The following EYA2 variants were observed in gnomAD, a reference collection of about 807,000 sequenced individuals.
EYA2 encodes the protein protein phosphatase EYA2.
EYA2 carries 31 observed loss-of-function variants against 69.2 expected under a neutral mutation model. The observed-to-expected ratio is 0.45, with a 90% confidence interval of 0.34 to 0.60. The LOEUF is 0.60. Among genes scored for constraint, EYA2 ranks in the 20% least tolerant of loss-of-function variants. EYA2 has a pLI of 0.02. For missense variants in EYA2, 622 were observed against 701.2 expected (o/e 0.89, Z 1.28); for synonymous variants, 257 against 279.4 (o/e 0.92, Z 0.80).
chr20:46,935,836 G>T (rs1021461436), intron 1 of EYA2, among the ~76,000 whole-genome samples: 2 of 151,616 alleles, frequency 1.3e-5, no homozygotes, highest in African/African-American at 4.9e-5. Flanking sequence ...TAATAACATA[G>T]ATTATATTAT....
chr20:46,895,962 C>G (rs1448735469), intron 1 of EYA2, among the ~76,000 whole-genome samples: 1 of 152,206 alleles, frequency 6.6e-6, no homozygotes, highest in Non-Finnish European at 1.5e-5. Context: ...TTTTAAAAAG[C>G]AAGACCGATG....
chr20:47,013,394 C>T (rs1454219356), intron 4 of EYA2, among the ~76,000 whole-genome samples: 1 of 152,150 alleles, frequency 6.6e-6, no homozygotes, highest in African/African-American at 2.4e-5. Context: ...GCTTTGAGTC[C>T]AAAGACATGG....
chr20:46,964,459 A>G (rs1219942815), intron 1 of EYA2, among the ~76,000 whole-genome samples: 1 of 152,170 alleles, frequency 6.6e-6, no homozygotes, highest in Middle Eastern at 3.2e-3. Context: ...TGGCTGTTGA[A>G]GGGATGCACG....
rs200488229 is a variant in EYA2 at position 47,023,641 on chromosome 20, T to TGTTTTG, written c.415+7344_415+7345insGTTTTG. The stretch of plus-strand genomic sequence containing the variant: ...AAGTTTGATTTTGGGTGTTTTTTTT[T>TGTTTTG]TTTTTTTTTTTTTGAAGACAGAGCC... On this transcript the variant is annotated intron_variant, in intron 5 of 15. Transcript: ENST00000327619. Among the ~76,000 whole-genome samples the TGTTTTG allele has an allele frequency of 7.1e-5, 10 of 140,354 alleles. 1 individual carries two copies. The highest frequency in any genetic ancestry group is 8.0e-5 in the African/African-American group (3 of 37,444). 92.1% of individuals were successfully genotyped at this position (140,354 alleles called of 152,430 possible).
intron 10 of EYA2, among the ~76,000 whole-genome samples, chr20:47,155,125 G>A (rs2033897634): frequency 6.6e-6 from 1 of 151,902 alleles, no homozygotes; most frequent in African/African-American, 2.4e-5. Flanking sequence ...CAAAGTGCTG[G>A]GATTACAGGC....
chr20:47,139,508 C>G (rs1038481448), intron 9 of EYA2, among the ~76,000 whole-genome samples: 2 of 152,068 alleles, frequency 1.3e-5, no homozygotes, highest in African/African-American at 4.8e-5. Context: ...TCTCGGCTCA[C>G]CACAACCTCC....
At chr20:47,125,033 A>G (rs1055811326) in intron 9 of EYA2, among the ~76,000 whole-genome samples, 2 of 147,656 alleles carry the variant, frequency 1.4e-5, no homozygotes, top group Admixed American at 1.4e-4. Flanking sequence ...TGTATCCTAC[A>G]GTCTTTTGGT....
chr20:46,996,142 A>G (rs1982004189), intron 2 of EYA2, among the ~76,000 whole-genome samples: 1 of 152,246 alleles, frequency 6.6e-6, no homozygotes, highest in Non-Finnish European at 1.5e-5. Context: ...TGAATGAAAC[A>G]TGGTGTGTAT....
chr20:47,172,757 A>G lies in EYA2; in HGVS notation c.1088A>G (p.Asn363Ser). Residue 363 changes from asparagine (N) to serine (S), a missense_variant, in exon 12 of 16, where the codon AAC becomes AGC. Coordinates refer to ENST00000327619, the MANE Select transcript of EYA2 (RefSeq NM_005244.5). Reference protein sequence around the residue: ...DGFHSSAPGANLCLGSGVHGG... With the variant: ...DGFHSSAPGASLCLGSGVHGG... ...TTCCACAGTTCGGCCCCAGGAGCCA[A>G]CCTGTGCCTGGGCTCTGGCGTGCAC... The G allele has an allele frequency of 6.2e-7, 1 of 1,614,080 alleles. No homozygotes were observed.
chr20:47,160,392 T>C (rs1346783522), intron 10 of EYA2, among the ~76,000 whole-genome samples: 2 of 152,174 alleles, frequency 1.3e-5, no homozygotes, highest in Non-Finnish European at 2.9e-5. Context: ...TAAAACTTTA[T>C]TTACACAAAC....
At chr20:47,015,858 A>AG (rs1983377237) in intron 4 of EYA2, among the ~76,000 whole-genome samples, 1 of 152,258 alleles carries the variant, frequency 6.6e-6, no homozygotes, top group Admixed American at 6.5e-5. Flanking sequence ...GGGAGCCCAC[A>AG]GGGGCAGCTT....
At chr20:47,076,621 G>T (rs1047228338) in intron 7 of EYA2, among the ~76,000 whole-genome samples, 2 of 152,044 alleles carry the variant, frequency 1.3e-5, no homozygotes, top group African/African-American at 2.4e-5. Context: ...AAGATTTTTT[G>T]GCTTCAAAAG....
intron 5 of EYA2, among the ~76,000 whole-genome samples, chr20:47,053,089 G>A (rs937293841): frequency 1.9e-4 from 29 of 152,216 alleles, no homozygotes; most frequent in African/African-American, 6.5e-4. Flanking sequence ...ACCCTCCATG[G>A]TGGGCCTTAC....
intron 8 of EYA2, among the ~76,000 whole-genome samples, chr20:47,094,172 G>A (rs193157638): frequency 4.1e-4 from 62 of 152,148 alleles, no homozygotes; most frequent in African/African-American, 1.5e-3. Context: ...TTTTCAGAGG[G>A]GATTTAATGG....
chr20:47,094,269 A>C (rs1002294368), intron 8 of EYA2, among the ~76,000 whole-genome samples: 5 of 152,252 alleles, frequency 3.3e-5, no homozygotes. Context: ...TTAATTTCCT[A>C]AGTTCAACCC....
intron 1 of EYA2, chr20:46,978,641 G>C: frequency 1.9e-6 from 1 of 534,822 alleles, no homozygotes; most frequent in African/African-American, 1.9e-5. Context: ...GATGAGGTGA[G>C]GCGGGCAGGT....
chr20:46,979,023 A>T (rs1325141625), intron 1 of EYA2, among the ~76,000 whole-genome samples: 1 of 152,260 alleles, frequency 6.6e-6, no homozygotes, highest in Non-Finnish European at 1.5e-5. Context: ...CTGTGATTGA[A>T]GTCAGCAGGC....
chr20:46,969,708 C>G (rs1420102377), intron 1 of EYA2, among the ~76,000 whole-genome samples: 8 of 152,074 alleles, frequency 5.3e-5, no homozygotes, highest in African/African-American at 1.9e-4. Context: ...GGAGTTAATT[C>G]CCTTGGCTTG....
chr20:47,103,170 TCA>T (rs940950294), intron 9 of EYA2, among the ~76,000 whole-genome samples: 103 of 152,300 alleles, frequency 6.8e-4, no homozygotes, highest in African/African-American at 2.4e-3. Context: ...TTTAGTATAT[TCA>T]CAGAGTTGTA....
Sources: allele counts gnomAD v4.1 joint callset (sites outside exome capture counted in the v4.1 genomes callset), GRCh38; gene constraint gnomAD v4.1.1; transcripts MANE v1.5; gene names NCBI Gene and HGNC (gene_info 2026-07-23, HGNC 2026-07-21).